TYW1B: variants seen among roughly 807,000 people sequenced by gnomAD.
TYW1B encodes the protein S-adenosyl-L-methionine-dependent tRNA 4-demethylwyosine synthase TYW1B.
TYW1B carries 73 observed loss-of-function variants against 86.9 expected under a neutral mutation model. That is an observed-to-expected ratio of 0.84 (90% confidence interval 0.70 to 1.02). TYW1B has a LOEUF of 1.02. Ranked by LOEUF, TYW1B falls within the 50% of genes least tolerant of loss-of-function variation. The probability of loss-of-function intolerance (pLI) is 0.00; values close to 1 mark genes in which losing one functional copy is unlikely to be tolerated. For missense variants in TYW1B, 637 were observed against 827.4 expected (o/e 0.77, Z 2.82); for synonymous variants, 248 against 292.8 (o/e 0.85, Z 1.56).
intron 2 of TYW1B, among the ~76,000 whole-genome samples, chr7:72,816,584 G>A (rs1241266506): frequency 6.6e-6 from 1 of 152,132 alleles, no homozygotes; most frequent in African/African-American, 2.4e-5. Context: ...ACTGGGGTGA[G>A]GCCTCAGGTA....
intron 11 of TYW1B, among the ~76,000 whole-genome samples, chr7:72,649,220 G>A (rs761938304): frequency 5.9e-5 from 9 of 152,192 alleles, no homozygotes; most frequent in African/African-American, 2.2e-4. Flanking sequence ...AATGTAAAGA[G>A]CTGAAGACAA....
chr7:72,736,972 G>C (rs370314241), intron 8 of TYW1B, among the ~76,000 whole-genome samples: 2 of 152,244 alleles, frequency 1.3e-5, no homozygotes, highest in Admixed American at 1.3e-4. Context: ...AGGTTACAGT[G>C]AGCCAAGATC....
intron 3 of TYW1B, 32 bp from the exon 4 acceptor site, chr7:72,810,697 A>G: frequency 1.3e-6 from 2 of 1,567,886 alleles, no homozygotes; most frequent in Non-Finnish European, 1.7e-6. Context: ...TCAGTGGAAC[A>G]TACAAGGCAT....
intron 13 of TYW1B, among the ~76,000 whole-genome samples, chr7:72,597,539 C>G (rs1408268045): frequency 6.6e-6 from 1 of 151,870 alleles, no homozygotes; most frequent in Non-Finnish European, 1.5e-5. Context: ...TTTGTAAACA[C>G]ACTGAAATAG....
At chr7:72,771,957 A>G (rs1787876023) in intron 7 of TYW1B, among the ~76,000 whole-genome samples, 1 of 151,296 alleles carries the variant, frequency 6.6e-6, no homozygotes, top group Non-Finnish European at 1.5e-5. Flanking sequence ...AACGATTCTC[A>G]TGCCTCAGAC....
intron 13 of TYW1B, among the ~76,000 whole-genome samples, chr7:72,591,269 A>G (rs193053542): frequency 3.7e-4 from 56 of 152,172 alleles, no homozygotes; most frequent in African/African-American, 1.3e-3. Flanking sequence ...CGACAGAGAG[A>G]ATGCTTGAAG....
At chr7:72,771,237 C>T (rs1443686592) in intron 7 of TYW1B, among the ~76,000 whole-genome samples, 11 of 152,276 alleles carry the variant, frequency 7.2e-5, no homozygotes, top group African/African-American at 2.6e-4. Flanking sequence ...GCTAGGATTA[C>T]AGGCGTGAGC....
intron 2 of TYW1B, among the ~76,000 whole-genome samples, chr7:72,817,776 T>A (rs543054332): frequency 6.6e-6 from 1 of 152,290 alleles, no homozygotes; most frequent in African/African-American, 2.4e-5. Flanking sequence ...TGGGTTTTTA[T>A]TAAGCTAGAA....
At chr7:72,698,645 CA>C (rs782639827) in intron 10 of TYW1B, among the ~76,000 whole-genome samples, 112,078 of 129,870 alleles carry the variant, frequency 0.86, 47,913 homozygotes, top group Middle Eastern at 0.89. Flanking sequence ...GACTCCATCT[CA>C]AAAAAAAAAA....
intron 8 of TYW1B, among the ~76,000 whole-genome samples, chr7:72,738,627 T>A (rs1554461461): frequency 6.6e-6 from 1 of 152,160 alleles, no homozygotes; most frequent in East Asian, 1.9e-4. Context: ...CGAGACATTG[T>A]CAAATGTTCC....
chr7:72,702,993 T>C (rs1814512182), intron 10 of TYW1B, among the ~76,000 whole-genome samples: 2 of 6,650 alleles, frequency 3.0e-4, no homozygotes, highest in Non-Finnish European at 6.2e-4. Context: ...TATCTATATA[T>C]ATATATATAT....
intron 13 of TYW1B, among the ~76,000 whole-genome samples, chr7:72,613,690 G>GA (rs1811993786): frequency 6.6e-6 from 1 of 151,960 alleles, no homozygotes; most frequent in Admixed American, 6.6e-5. Flanking sequence ...GGGATTACAG[G>GA]CATGAGCCAC....
rs782505041 is a variant in TYW1B, at chr7:72,807,139, G to C, written c.650C>G (p.Ser217Cys). Reference sequence around the variant, plus strand: ...CCTCTCCTCTGAGCCATGTTGGTGAGATTCACATTTGCCTTTCTTGCAGTG... The same window carrying C: ...CCTCTCCTCTGAGCCATGTTGGTGACATTCACATTTGCCTTTCTTGCAGTG... ...GGHCKKGKCE[S>C]HQHGSEEREE... The change falls in exon 5 of 14, where the codon TCT becomes TGT. Residue 217 changes from serine to cysteine, a missense_variant. By Grantham distance (112) the Ser-to-Cys change is moderately radical (BLOSUM62 -1). Coordinates refer to ENST00000620995, the MANE Select transcript of TYW1B (RefSeq NM_001145440.3). 1 of 1,614,126 alleles carries C rather than the reference G, an allele frequency of 6.2e-7. No homozygotes were observed. The highest frequency in any genetic ancestry group is 2.2e-5 in the East Asian group (1 of 44,882).
At chr7:72,622,445 T>C (rs1349270037) in intron 12 of TYW1B, among the ~76,000 whole-genome samples, 3 of 152,220 alleles carry the variant, frequency 2.0e-5, no homozygotes, top group South Asian at 4.1e-4. Context: ...GATATTCTTA[T>C]GCTAATTTTA....
At chr7:72,778,912 T>C (rs1788001301) in intron 6 of TYW1B, among the ~76,000 whole-genome samples, 2 of 144,370 alleles carry the variant, frequency 1.4e-5, no homozygotes. Context: ...TCATTCACTC[T>C]GTCCACTGAT....
chr7:72,819,836 G>A (rs868926411), intron 2 of TYW1B, among the ~76,000 whole-genome samples: 6 of 152,082 alleles, frequency 3.9e-5, no homozygotes, highest in East Asian at 1.9e-4. Context: ...CTCCAAAGTC[G>A]AAATGAAAGA....
chr7:72,665,243 T>G (rs1412690231), intron 11 of TYW1B, among the ~76,000 whole-genome samples: 1 of 152,232 alleles, frequency 6.6e-6, no homozygotes, highest in Non-Finnish European at 1.5e-5. Flanking sequence ...TACTGTCTAC[T>G]CAAAATGAAG....
chr7:72,591,655 T>C (rs1554431454), intron 13 of TYW1B, among the ~76,000 whole-genome samples: 1 of 152,168 alleles, frequency 6.6e-6, no homozygotes, highest in African/African-American at 2.4e-5. Flanking sequence ...CTACTAGATC[T>C]TCCCTGTAAG....
At chr7:72,722,660 T>C (rs1395842366) in intron 9 of TYW1B, among the ~76,000 whole-genome samples, 39 of 152,156 alleles carry the variant, frequency 2.6e-4, no homozygotes, top group African/African-American at 8.7e-4. Context: ...AAGACAAGCA[T>C]TGAAAACATC....
Sources: allele counts gnomAD v4.1 joint callset (sites outside exome capture counted in the v4.1 genomes callset), GRCh38; gene constraint gnomAD v4.1.1; transcripts MANE v1.5; gene names NCBI Gene and HGNC (gene_info 2026-07-23, HGNC 2026-07-21).